SDR42E2: variants seen among roughly 807,000 people sequenced by gnomAD.
SDR42E2 encodes the protein putative short-chain dehydrogenase/reductase family 42E member 2.
SDR42E2 carries 20 observed loss-of-function variants against 10.5 expected under a neutral mutation model. That is an observed-to-expected ratio of 1.90 (90% CI 1.34 to 2.77). The LOEUF (loss-of-function observed/expected upper bound fraction) is 2.77, where lower values mean the gene tolerates loss of function less well. Among genes scored for constraint, SDR42E2 ranks in the 30% most tolerant of loss-of-function variants. The probability of loss-of-function intolerance (pLI) is 0.00; values close to 1 mark genes in which losing one functional copy is unlikely to be tolerated. For synonymous variants in SDR42E2, 72 were observed against 39.2 expected (o/e 1.84, Z -3.12); for missense variants, 162 against 104.2 (o/e 1.55, Z -2.42).
intron 8 of SDR42E2, among the ~76,000 whole-genome samples, chr16:22,178,494 C>T (rs542505934): frequency 6.6e-6 from 1 of 152,322 alleles, no homozygotes; most frequent in South Asian, 2.1e-4. Flanking sequence ...GCCTGTTGCC[C>T]TCACTCCCAT....
chr16:22,168,098 C>T (rs1376130725), intron 4 of SDR42E2, among the ~76,000 whole-genome samples: 1 of 151,868 alleles, frequency 6.6e-6, no homozygotes, highest in Non-Finnish European at 1.5e-5. Flanking sequence ...ACAGCCACAA[C>T]AAGAATAAAT....
chr16:22,165,880 GGGTCCGTACCTGGTCTAGGAGCTA>G (rs2046531516), intron 2 of SDR42E2, among the ~76,000 whole-genome samples: 1 of 151,918 alleles, frequency 6.6e-6, no homozygotes, highest in Non-Finnish European at 1.5e-5. Flanking sequence ...GCCAGGAGCT[GGGTCCGTACCTGGTCTAGGAGCTA>G]GGTCCGTACC....
chr16:22,167,604 A>G (rs559083319), intron 4 of SDR42E2, among the ~76,000 whole-genome samples: 1 of 152,310 alleles, frequency 6.6e-6, no homozygotes, highest in South Asian at 2.1e-4. Context: ...CTCTTCAGAG[A>G]GCAATGTAAT....
At chr16:22,164,426 G>T (rs559257739) in intron 1 of SDR42E2, among the ~76,000 whole-genome samples, 1 of 152,318 alleles carries the variant, frequency 6.6e-6, no homozygotes, top group Admixed American at 6.5e-5. Flanking sequence ...AGGCATGGTA[G>T]CATGCACCTG....
intron 6 of SDR42E2, among the ~76,000 whole-genome samples, chr16:22,171,690 G>GC (rs762597620): frequency 6.6e-5 from 10 of 151,952 alleles, no homozygotes; most frequent in Non-Finnish European, 1.5e-4. Flanking sequence ...GCGCCACCAC[G>GC]CCCAGCTAAT....
intron 2 of SDR42E2, 62 bp downstream of exon 2, chr16:22,165,699 A>T: frequency 2.5e-6 from 1 of 401,896 alleles, no homozygotes; most frequent in Non-Finnish European, 4.4e-6. Context: ...GGTCTGGCTC[A>T]GGGTCTGAGT....
chr16:22,167,432 G>A (rs541957019), intron 4 of SDR42E2, among the ~76,000 whole-genome samples: 2 of 152,036 alleles, frequency 1.3e-5, no homozygotes, highest in African/African-American at 4.8e-5. Context: ...TGATCTGCCC[G>A]CCTTGGCCTC....
chr16:22,165,456 A>T (rs1342870298), intron 1 of SDR42E2, 91 bp from the exon 2 acceptor site: 1 of 395,724 alleles, frequency 2.5e-6, no homozygotes, highest in Non-Finnish European at 4.5e-6. Context: ...TCTAATTTCC[A>T]CCTGGAGTTC....
chr16:22,178,714 G>C (rs2046667025), intron 8 of SDR42E2, among the ~76,000 whole-genome samples: 1 of 152,210 alleles, frequency 6.6e-6, no homozygotes, highest in African/African-American at 2.4e-5. Context: ...GGGCCTGGCA[G>C]GGGAAACCCA....
rs533125890 is a variant in SDR42E2 at position 22,182,827 on chromosome 16, C to T, written c.876+550C>T. Among the ~76,000 whole-genome samples, 256 of 152,082 alleles carry T rather than the reference C, an allele frequency of 1.7e-3. 2 individuals are homozygous for T. Among genetic ancestry groups the T allele is most frequent in the African/African-American group, 5.9e-3 (246 of 41,516 alleles). On this transcript the variant is annotated intron_variant, in intron 10 of 12. Transcript: ENST00000602312. ...CCAACCTGGGCAACAAAGCGAGGAC[C>T]CCTGTCTCTGCAAAAATAAAAATTC...
intron 5 of SDR42E2, 45 bp downstream of exon 5, chr16:22,169,547 C>G (rs986932105): frequency 1.0e-5 from 7 of 703,094 alleles, no homozygotes; most frequent in African/African-American, 1.7e-5. Context: ...CTCTCCCCCT[C>G]TCTCCCTTCT....
intron 7 of SDR42E2, among the ~76,000 whole-genome samples, chr16:22,173,312 T>G (rs1402227287): frequency 1.3e-5 from 2 of 152,114 alleles, no homozygotes; most frequent in African/African-American, 4.8e-5. Flanking sequence ...CTCTGCCTCC[T>G]GGGTTCAATA....
In SDR42E2 at chr16:22,190,451, G is replaced by C. The variant is rs1365867625; in HGVS notation, c.*58G>C. On this transcript the variant is annotated 3_prime_UTR_variant, in exon 13 of 13. Coordinates refer to ENST00000602312, the MANE Select transcript of SDR42E2 (RefSeq NM_001394319.2). ...CCCGCTGCACCCTCGCCCACGCCCG[G>C]CTCCCTGGGCTTGTACCAGCCCCTG... is the stretch of plus-strand genomic sequence containing the variant. 7.5e-6 allele frequency: 3 copies of C among 399,908 alleles called. No individual in the cohort carries two copies. The highest frequency in any genetic ancestry group is 8.8e-5 in the Admixed American group (2 of 22,696). The allele number at this position is 399,908 out of a possible 1,614,324, so 24.8% of individuals were successfully genotyped here. A position where few individuals can be genotyped will look rare whatever the true frequency, so the allele number is the denominator to read the frequency against.
At chr16:22,165,206 G>A (rs1054330899) in intron 1 of SDR42E2, among the ~76,000 whole-genome samples, 1 of 152,214 alleles carries the variant, frequency 6.6e-6, no homozygotes, top group South Asian at 2.1e-4. Context: ...TTGTGCTTCA[G>A]TCTCCTGAGT....
At chr16:22,181,446 G>A (rs1318309586) in intron 8 of SDR42E2, 73 bp from the exon 9 acceptor site, 1 of 699,352 alleles carries the variant, frequency 1.4e-6, no homozygotes, top group Non-Finnish European at 2.6e-6. Flanking sequence ...AACCTGGGGA[G>A]TCATCAGCAT....
At chr16:22,178,292 C>A in intron 8 of SDR42E2, 80 bp downstream of exon 8, 1 of 657,600 alleles carries the variant, frequency 1.5e-6, no homozygotes, top group South Asian at 1.6e-5. Flanking sequence ...CTCCCAGCCC[C>A]TGGTCGCTGC....
intron 12 of SDR42E2, among the ~76,000 whole-genome samples, chr16:22,187,708 T>C (rs1375000956): frequency 1.3e-5 from 2 of 152,070 alleles, no homozygotes. Context: ...ATAATGATGA[T>C]GCAGGTTTAT....
chr16:22,175,221 A>T (rs908593426), intron 7 of SDR42E2, among the ~76,000 whole-genome samples: 1 of 152,128 alleles, frequency 6.6e-6, no homozygotes, highest in Non-Finnish European at 1.5e-5. Context: ...GCACTTTGTG[A>T]GGCCAAGACG....
chr16:22,175,107 T>C (rs2046633551), intron 7 of SDR42E2, among the ~76,000 whole-genome samples: 1 of 152,090 alleles, frequency 6.6e-6, no homozygotes, highest in Non-Finnish European at 1.5e-5. Flanking sequence ...TGTCTCTGGG[T>C]GTGTTAGTAT....
Sources: gnomAD v4.1 joint callset for allele counts (sites outside exome capture counted in the v4.1 genomes callset) on GRCh38, gnomAD v4.1.1 for gene constraint, MANE v1.5 for transcripts, NCBI Gene and HGNC (gene_info 2026-07-23, HGNC 2026-07-21) for gene names.